ZNF827: variants seen among roughly 807,000 people sequenced by gnomAD.
ZNF827 encodes zinc finger protein 827.
A neutral mutation model predicts 102.4 loss-of-function variants in ZNF827; 13 were observed. That is an observed-to-expected ratio of 0.13 (90% confidence interval 0.08 to 0.20). The LOEUF (loss-of-function observed/expected upper bound fraction) is 0.20. Among genes scored for constraint, ZNF827 ranks in the 10% least tolerant of loss-of-function variants. The pLI, the probability that ZNF827 is intolerant of heterozygous loss-of-function variation, is 1.00. For missense variants in ZNF827, 1,103 were observed against 1,344.4 expected (o/e 0.82, Z 2.81); for synonymous variants, 523 against 536.2 (o/e 0.98, Z 0.34).
chr4:145,913,395 C>T (rs999149263), intron 1 of ZNF827, among the ~76,000 whole-genome samples: 3 of 132,390 alleles, frequency 2.3e-5, no homozygotes, highest in Non-Finnish European at 4.6e-5. Context: ...CACTGCATTC[C>T]AGCCTGGGCA....
chr4:145,903,721 A>G (rs1234937120), intron 1 of ZNF827, among the ~76,000 whole-genome samples: 2 of 152,228 alleles, frequency 1.3e-5, no homozygotes, highest in Non-Finnish European at 2.9e-5. Flanking sequence ...TTCCTCCAAT[A>G]TAAGATGCAA....
chr4:145,875,572 A>T (rs1749085838), intron 4 of ZNF827, among the ~76,000 whole-genome samples: 1 of 152,232 alleles, frequency 6.6e-6, no homozygotes, highest in African/African-American at 2.4e-5. Context: ...AATCCTGAGA[A>T]GATTTGACTA....
chr4:145,926,024 A>G (rs567783933), intron 1 of ZNF827, among the ~76,000 whole-genome samples: 365 of 152,368 alleles, frequency 2.4e-3, no homozygotes, highest in African/African-American at 7.9e-3. Flanking sequence ...AAGTTTATGA[A>G]AATACTTTTC....
chr4:145,925,508 A>C (rs1348610263), intron 1 of ZNF827, among the ~76,000 whole-genome samples: 1 of 152,126 alleles, frequency 6.6e-6, no homozygotes, highest in Non-Finnish European at 1.5e-5. Context: ...TCAACATTTG[A>C]AAGAACTATC....
chr4:145,885,974 G>A lies in ZNF827; in HGVS notation c.1451C>T (p.Ala484Val). 1 of 1,614,074 alleles carries A rather than the reference G, an allele frequency of 6.2e-7. No individual in the cohort carries two copies. The highest frequency in any genetic ancestry group is 8.5e-7 in the Non-Finnish European group (1 of 1,179,984). The change falls in exon 4 of 15, where the codon GCC becomes GTC. Residue 484 changes from alanine to valine, a missense_variant. By Grantham distance (64) the Ala-to-Val change is moderately conservative. This residue lies in a region of ZNF827 where 157 missense variants were observed against 211.7 expected (regional missense o/e 0.74). Transcript: ENST00000508784. ...VKGSPHLSDSACLGQQREGGG... is the reference protein window; with the variant it reads ...VKGSPHLSDSVCLGQQREGGG... ...TCCTTCCCTTTGCTGCCCCAGGCAGGCACTGTCACTGAGGTGGGGAGATCC... is the reference window on the plus strand; with the variant it reads ...TCCTTCCCTTTGCTGCCCCAGGCAGACACTGTCACTGAGGTGGGGAGATCC...
intron 4 of ZNF827, among the ~76,000 whole-genome samples, chr4:145,873,499 C>G (rs1019141891): frequency 6.6e-6 from 1 of 152,164 alleles, no homozygotes; most frequent in East Asian, 1.9e-4. Context: ...GCCTTTCTAC[C>G]TAGACCACAG....
At chr4:145,805,790 G>C (rs549596788) in intron 8 of ZNF827, among the ~76,000 whole-genome samples, 5 of 151,812 alleles carry the variant, frequency 3.3e-5, no homozygotes, top group Admixed American at 6.6e-5. Flanking sequence ...TGTCACTTCC[G>C]CGGTCAAGCT....
rs1185933068 is a variant in ZNF827 at position 145,762,660 on chromosome 4, TC to T, written c.*17+429del. On this transcript the variant is annotated intron_variant, in intron 14 of 14. Transcript: ENST00000508784. The surrounding 1 kb of genome is among the most constrained non-coding windows in gnomAD (Gnocchi z 4.9). ...GCCTCTCTGTGGCTCGGTTTCTCCATCCTTTGCAGTGAGGCTACGCTACCAC... is the reference window on the plus strand; with the variant it reads ...GCCTCTCTGTGGCTCGGTTTCTCCATCTTTGCAGTGAGGCTACGCTACCAC... 2.6e-5 allele frequency among the ~76,000 whole-genome samples: 4 copies of T among 152,100 alleles called. No homozygotes were observed. Among genetic ancestry groups the T allele is most frequent in the African/African-American group, 9.7e-5 (4 of 41,404 alleles).
Position 145,902,113 on chromosome 4 carries a change from G to A in ZNF827, c.1093+53C>T, listed in dbSNP as rs1044088718. 2.8e-5 allele frequency: 42 copies of A among 1,520,640 alleles called. No homozygotes were observed. The highest frequency in any genetic ancestry group is 3.3e-5 in the Non-Finnish European group (37 of 1,136,560). The allele number at this position is 1,520,640 out of a possible 1,614,324, so 94.2% of individuals were successfully genotyped here. On this transcript the variant is annotated intron_variant, in intron 2 of 14. Transcript: ENST00000508784. The surrounding 1 kb of genome is among the most constrained non-coding windows in gnomAD (Gnocchi z 4.3). The stretch of plus-strand genomic sequence containing the variant: ...TGAAAAAAGCAATGAATAAGACATC[G>A]CAGTTTATAGTCTAAAGGACTTACA...
At chr4:145,845,744 C>G (rs1745866898) in intron 7 of ZNF827, among the ~76,000 whole-genome samples, 1 of 152,186 alleles carries the variant, frequency 6.6e-6, no homozygotes, top group South Asian at 2.1e-4. Context: ...CAAAGTGACA[C>G]CTATTAGATG....
intron 8 of ZNF827, among the ~76,000 whole-genome samples, chr4:145,799,843 T>C (rs1450114077): frequency 1.3e-5 from 2 of 152,198 alleles, no homozygotes; most frequent in East Asian, 3.9e-4. Context: ...GGAGCAGCCA[T>C]AGTAGACCAT....
At chr4:145,895,283 A>C (rs768342668) in intron 2 of ZNF827, among the ~76,000 whole-genome samples, 1 of 152,132 alleles carries the variant, frequency 6.6e-6, no homozygotes, top group East Asian at 1.9e-4. Flanking sequence ...TGCGTTTCCT[A>C]TTCTTTCTGA....
At chr4:145,786,864 C>A (rs975053313) in intron 8 of ZNF827, among the ~76,000 whole-genome samples, 2 of 152,144 alleles carry the variant, frequency 1.3e-5, no homozygotes, top group African/African-American at 2.4e-5. Flanking sequence ...CAACATCTAC[C>A]GTTTTAGAAT....
chr4:145,925,190 C>T (rs577847472), intron 1 of ZNF827, among the ~76,000 whole-genome samples: 5 of 152,174 alleles, frequency 3.3e-5, no homozygotes, highest in East Asian at 1.9e-4. Context: ...TCAATTACCT[C>T]GCACTAGATC....
At chr4:145,774,404 G>A (rs1736724517) in intron 11 of ZNF827, 102 bp downstream of exon 11, 1 of 1,303,834 alleles carries the variant, frequency 7.7e-7, no homozygotes, top group African/African-American at 1.5e-5. Flanking sequence ...GAAGGAAAAG[G>A]GCAATGTCTC....
intron 7 of ZNF827, chr4:145,830,630 C>T (rs181522527): frequency 1.1e-3 from 167 of 152,102 alleles, no homozygotes; most frequent in African/African-American, 3.7e-3. Context: ...ACTTAATAGA[C>T]GCTTATATTT....
chr4:145,760,663 G>A lies in ZNF827; in HGVS notation c.*953C>T. ...ACAGTACACATGTTCCAGACCCATCGGGGTCTGTAGGTTTTGCAGCAACAT... is the reference window on the plus strand; with the variant it reads ...ACAGTACACATGTTCCAGACCCATCAGGGTCTGTAGGTTTTGCAGCAACAT... On this transcript the variant is annotated 3_prime_UTR_variant, in exon 15 of 15. Coordinates refer to ENST00000508784, the MANE Select transcript of ZNF827 (RefSeq NM_001306215.2). The A allele has an allele frequency of 6.3e-6, 4 of 636,426 alleles. No individual in the cohort carries two copies. The highest frequency in any genetic ancestry group is 8.3e-6 in the Non-Finnish European group (4 of 479,470). The allele number at this position is 636,426 out of a possible 1,614,324, so 39.4% of individuals were successfully genotyped here. A position where few individuals can be genotyped will look rare whatever the true frequency, so the allele number is the denominator to read the frequency against.
chr4:145,760,608 A>G lies in ZNF827; in HGVS notation c.*1008T>C. On this transcript the variant is annotated 3_prime_UTR_variant, in exon 15 of 15. Transcript: ENST00000508784. ...GTCAATGCAATAGGTATACACACAG[A>G]GCCAATTTTCTATTCCTTACTAAAG... 3.7e-6 allele frequency: 1 copy of G among 272,002 alleles called. No individual in the cohort carries two copies. The highest frequency in any genetic ancestry group is 6.0e-6 in the Non-Finnish European group (1 of 166,388). The allele number at this position is 272,002 out of a possible 1,614,324, so 16.8% of individuals were successfully genotyped here.
chr4:145,902,281 T>C lies in ZNF827; in HGVS notation c.978A>G (p.Lys326=). The change falls in exon 2 of 15, where the codon AAA becomes AAG. Residue 326 remains lysine, a synonymous_variant. Coordinates refer to ENST00000508784, the MANE Select transcript of ZNF827 (RefSeq NM_001306215.2). This position sits in a 1 kb window ranked among gnomAD's most constrained non-coding sequence, Gnocchi z 4.3. ...GTGGCGGTGGAGGTGGCGGAGTGACTTTTTCTGGTTTCTTCTCTGAAGGCG... is the reference window on the plus strand; with the variant it reads ...GTGGCGGTGGAGGTGGCGGAGTGACCTTTTCTGGTTTCTTCTCTGAAGGCG... ...PPPPSEKKPE[K]VTPPPPPPPP... 1 of 1,589,178 alleles carries C rather than the reference T, an allele frequency of 6.3e-7. No individual in the cohort carries two copies. Among genetic ancestry groups the C allele is most frequent in the Non-Finnish European group, 8.5e-7 (1 of 1,169,864 alleles).
Sources: allele counts gnomAD v4.1 joint callset (sites outside exome capture counted in the v4.1 genomes callset), GRCh38; gene constraint gnomAD v4.1.1; regional missense constraint gnomAD v4.1.1; non-coding constraint Gnocchi (gnomAD v3.1); transcripts MANE v1.5; gene names NCBI Gene and HGNC (gene_info 2026-07-23, HGNC 2026-07-21).